Variants in PTPRQ observed in about 807,000 individuals in gnomAD.
PTPRQ encodes phosphatidylinositol phosphatase PTPRQ.
Under a neutral mutation model 246.0 loss-of-function variants are expected in PTPRQ, and 199 were observed. The ratio of observed to expected loss-of-function variants is 0.81; its 90% CI spans 0.72 to 0.91. The LOEUF is 0.91. Among genes scored for constraint, PTPRQ ranks in the 40% least tolerant of loss-of-function variants. The probability of loss-of-function intolerance (pLI) is 0.00; values close to 1 mark genes in which losing one functional copy is unlikely to be tolerated. For missense variants in PTPRQ, 2,624 were observed against 2,528.4 expected (o/e 1.04, Z -0.81); for synonymous variants, 869 against 853.2 (o/e 1.02, Z -0.32).
chr12:80,609,920 A>C (rs1203599156), intron 27 of PTPRQ, among the ~76,000 whole-genome samples: 1 of 150,616 alleles, frequency 6.6e-6, no homozygotes, highest in Non-Finnish European at 1.5e-5. Context: ...GGTAATGGTG[A>C]AAAAATATTG....
intron 35 of PTPRQ, among the ~76,000 whole-genome samples, chr12:80,642,986 A>G (rs1899942106): frequency 6.6e-6 from 1 of 150,440 alleles, no homozygotes; most frequent in African/African-American, 2.4e-5. Context: ...TGTTTTAGGC[A>G]CTGGGAATAG....
chr12:80,488,043 G>T (rs529248241), intron 9 of PTPRQ, among the ~76,000 whole-genome samples: 3 of 151,610 alleles, frequency 2.0e-5, no homozygotes, highest in East Asian at 3.9e-4. Context: ...AGAACTGAGG[G>T]CCCTGGATTC....
chr12:80,625,839 CA>C (rs1319322119), intron 33 of PTPRQ, among the ~76,000 whole-genome samples: 1 of 152,008 alleles, frequency 6.6e-6, no homozygotes, highest in Non-Finnish European at 1.5e-5. Flanking sequence ...TCAAAATTCA[CA>C]AAAAACCCTC....
At chr12:80,623,916 T>G (rs1040189658) in intron 33 of PTPRQ, among the ~76,000 whole-genome samples, 1 of 152,144 alleles carries the variant, frequency 6.6e-6, no homozygotes, top group Non-Finnish European at 1.5e-5. Flanking sequence ...CTAAATGGCT[T>G]CTCTCTGCCC....
chr12:80,479,430 A>T (rs574806540), intron 8 of PTPRQ, among the ~76,000 whole-genome samples: 30,441 of 148,796 alleles, frequency 0.2, 2,907 homozygotes, highest in African/African-American at 0.29. Context: ...TCATGCCAAA[A>T]TGTAAAGACC....
At chr12:80,574,523 T>C (rs1379601017) in intron 25 of PTPRQ, among the ~76,000 whole-genome samples, 2 of 152,318 alleles carry the variant, frequency 1.3e-5, no homozygotes, top group South Asian at 2.1e-4. Context: ...GGGTTAACTA[T>C]ATATTTTTAG....
intron 35 of PTPRQ, among the ~76,000 whole-genome samples, chr12:80,635,362 A>G (rs752910653): frequency 2.0e-5 from 3 of 152,184 alleles, no homozygotes; most frequent in Admixed American, 1.3e-4. Flanking sequence ...ATTATGTTTA[A>G]TAATTCATTT....
At chr12:80,550,887 C>T (rs1415495956) in intron 25 of PTPRQ, among the ~76,000 whole-genome samples, 1 of 152,012 alleles carries the variant, frequency 6.6e-6, no homozygotes, top group East Asian at 1.9e-4. Flanking sequence ...CCCCATCATC[C>T]ATATTTATTG....
chr12:80,505,335 A>T (rs913650630), intron 14 of PTPRQ, among the ~76,000 whole-genome samples: 1 of 151,898 alleles, frequency 6.6e-6, no homozygotes, highest in African/African-American at 2.4e-5. Context: ...TTCTTAAAGA[A>T]AATTTATTTT....
At chr12:80,474,158 A>G (rs955084734) in intron 8 of PTPRQ, among the ~76,000 whole-genome samples, 10 of 152,230 alleles carry the variant, frequency 6.6e-5, no homozygotes, top group African/African-American at 1.4e-4. Context: ...TCTTTAAACT[A>G]TATGAAAACA....
At chr12:80,661,803 C>T (rs556412721) in intron 39 of PTPRQ, among the ~76,000 whole-genome samples, 1 of 151,654 alleles carries the variant, frequency 6.6e-6, no homozygotes, top group African/African-American at 2.4e-5. Context: ...TTTTTGGAAA[C>T]CTTTACATTT....
At position 80,648,267 on chromosome 12, in the gene PTPRQ, G is replaced by A. The variant is rs113832200; in HGVS notation, c.5916-630G>A. 2.3e-3 allele frequency among the ~76,000 whole-genome samples: 346 copies of A among 151,752 alleles called. 2 individuals are homozygous for A. The highest frequency in any genetic ancestry group is 8.1e-3 in the African/African-American group (334 of 41,466). Reference sequence around the variant, plus strand: ...GCAGTGCTAATTTGTTGTGCATGACGTAAGTGTTATTAATGATACGCCCCT... The same window carrying A: ...GCAGTGCTAATTTGTTGTGCATGACATAAGTGTTATTAATGATACGCCCCT... On this transcript the variant is annotated intron_variant, in intron 35 of 44. Coordinates refer to ENST00000644991, the MANE Select transcript of PTPRQ (RefSeq NM_001145026.2).
At chr12:80,617,917 T>C (rs376195344) in intron 30 of PTPRQ, among the ~76,000 whole-genome samples, 4 of 151,366 alleles carry the variant, frequency 2.6e-5, no homozygotes, top group African/African-American at 9.7e-5. Flanking sequence ...ATCTCAGAAC[T>C]ACCTGAAACC....
At chr12:80,599,247 G>A (rs1036465631) in intron 26 of PTPRQ, among the ~76,000 whole-genome samples, 7 of 151,918 alleles carry the variant, frequency 4.6e-5, no homozygotes, top group African/African-American at 1.7e-4. Flanking sequence ...GTGAAAACCA[G>A]GGGGAAAGTG....
At position 80,669,346 on chromosome 12, in the gene PTPRQ, G is replaced by A. The variant is rs1420943162; in HGVS notation, c.6335G>A (p.Cys2112Tyr). The A allele has an allele frequency of 4.5e-6, 7 of 1,549,490 alleles. No individual in the cohort carries two copies. In the South Asian group the frequency reaches 4.8e-5, roughly 11 times the overall value. The change falls in exon 41 of 45, where the codon TGC becomes TAC. Residue 2112 changes from cysteine (C) to tyrosine (Y), a missense_variant. Cys to Tyr is a radical substitution (Grantham distance 194, BLOSUM62 -2). Coordinates refer to ENST00000644991, the MANE Select transcript of PTPRQ (RefSeq NM_001145026.2). Reference protein sequence around the residue: ...TQCFEKGRIRCHQYWPEDNKP... With the variant: ...TQCFEKGRIRYHQYWPEDNKP... ...GATTTTCTCTGAATGCAGATCAGAT[G>A]CCATCAGTATTGGCCAGAGGACAAC...
At position 80,500,465 on chromosome 12, in the gene PTPRQ, T is replaced by C. The variant is rs540718747; in HGVS notation, c.2272+3934T>C. Reference sequence around the variant, plus strand: ...AAGGATATCAGCCTTGGGTCAGGAATACATATTTACACACTGACTACTGGT... The same window carrying C: ...AAGGATATCAGCCTTGGGTCAGGAACACATATTTACACACTGACTACTGGT... On this transcript the variant is annotated intron_variant, in intron 14 of 44. Coordinates refer to ENST00000644991, the MANE Select transcript of PTPRQ (RefSeq NM_001145026.2). Among the ~76,000 whole-genome samples the C allele has an allele frequency of 1.2e-4, 19 of 152,090 alleles. No individual in the cohort carries two copies. The East Asian group carries it at 2.9e-3, about 23-fold the overall frequency.
intron 25 of PTPRQ, among the ~76,000 whole-genome samples, chr12:80,563,929 T>A (rs1896904528): frequency 6.6e-6 from 1 of 151,998 alleles, no homozygotes; most frequent in African/African-American, 2.4e-5. Context: ...TTTGTCAGTA[T>A]GGGAAAGAAT....
chr12:80,445,309 A>T (rs1176463796), intron 2 of PTPRQ, among the ~76,000 whole-genome samples, 182 bp from the exon 3 acceptor site: 2 of 151,922 alleles, frequency 1.3e-5, no homozygotes, highest in African/African-American at 4.8e-5. Context: ...ACATTCTTAT[A>T]AAGGAATGCT....
intron 24 of PTPRQ, 144 bp downstream of exon 24, chr12:80,546,841 G>A: frequency 1.0e-6 from 1 of 981,394 alleles, no homozygotes; most frequent in South Asian, 1.9e-5. Context: ...GTTTAGTCTT[G>A]GTCTTGTGTG....
Sources: allele counts gnomAD v4.1 joint callset (sites outside exome capture counted in the v4.1 genomes callset), GRCh38; gene constraint gnomAD v4.1.1; transcripts MANE v1.5; gene names NCBI Gene and HGNC (gene_info 2026-07-23, HGNC 2026-07-21).